ANOS1: variants seen among roughly 807,000 people sequenced by gnomAD.
The protein encoded by ANOS1 is anosmin-1.
In ANOS1, 6 loss-of-function variants were observed where a neutral mutation model predicts 59.0. The ratio of observed to expected loss-of-function variants is 0.10; its 90% CI spans 0.06 to 0.20. The LOEUF (loss-of-function observed/expected upper bound fraction) is 0.20. ANOS1 is among the 10% of genes least tolerant of loss of function. The probability of loss-of-function intolerance (pLI) is 1.00; values close to 1 mark genes in which losing one functional copy is unlikely to be tolerated. For missense variants in ANOS1, 433 were observed against 542.3 expected (o/e 0.80, Z 2.00); for synonymous variants, 217 against 223.4 (o/e 0.97, Z 0.25).
chrX:8,623,469 T>G (rs1008714955), intron 3 of ANOS1, 139 bp downstream of exon 3: 2 of 517,278 alleles, frequency 3.9e-6, no homozygotes, highest in Non-Finnish European at 6.7e-6. Flanking sequence ...TACATGAATT[T>G]ACGTATATCC....
intron 8 of ANOS1, among the ~76,000 whole-genome samples, chrX:8,554,542 G>GTTTTGT (rs1929911767): frequency 2.0e-5 from 1 of 50,836 alleles, no homozygotes; most frequent in African/African-American, 8.3e-5. Flanking sequence ...GGCTACAGGA[G>GTTTTGT]TTTTTTTTTT....
chrX:8,678,609 C>T (rs1932372643), intron 2 of ANOS1, among the ~76,000 whole-genome samples: 1 of 111,636 alleles, frequency 9.0e-6, no homozygotes, highest in Admixed American at 9.5e-5. Flanking sequence ...GGAACCTTGT[C>T]CATTATTCCT....
chrX:8,556,395 CTGTT>C (rs1253383201), intron 8 of ANOS1, among the ~76,000 whole-genome samples: 2 of 112,064 alleles, frequency 1.8e-5, no homozygotes, highest in African/African-American at 6.5e-5. Context: ...CAAATTGTCT[CTGTT>C]TGCAGATGAC....
chrX:8,607,857 T>TA (rs1430950436), intron 3 of ANOS1, among the ~76,000 whole-genome samples: 26 of 111,354 alleles, frequency 2.3e-4, no homozygotes, highest in Admixed American at 6.7e-4. Flanking sequence ...AACAAACAGG[T>TA]AAAAATCATT....
intron 2 of ANOS1, among the ~76,000 whole-genome samples, chrX:8,656,307 T>A (rs1931929917): frequency 8.9e-6 from 1 of 112,444 alleles, no homozygotes; most frequent in African/African-American, 3.2e-5. Flanking sequence ...TGCATTAGAA[T>A]GCCTTGTTGT....
intron 2 of ANOS1, among the ~76,000 whole-genome samples, chrX:8,668,031 A>T (rs1045455366): frequency 3.6e-5 from 4 of 110,229 alleles, no homozygotes; most frequent in African/African-American, 6.6e-5. Context: ...AGGTATTTTT[A>T]AATTTTTTTT....
intron 1 of ANOS1, among the ~76,000 whole-genome samples, chrX:8,710,198 G>C (rs1290946148): frequency 8.9e-6 from 1 of 111,744 alleles, no homozygotes; most frequent in Non-Finnish European, 1.9e-5. Flanking sequence ...CCAAAGTGCT[G>C]GGATTACAAG....
At chrX:8,569,469 T>C (rs180735915) in intron 7 of ANOS1, among the ~76,000 whole-genome samples, 4,380 of 111,443 alleles carry the variant, frequency 0.039, 85 homozygotes, top group Non-Finnish European at 0.062. Flanking sequence ...GGTGAAACCC[T>C]GTCTCTACTA....
chrX:8,585,215 T>C, intron 6 of ANOS1, 52 bp downstream of exon 6: 1 of 1,165,621 alleles, frequency 8.6e-7, no homozygotes, highest in South Asian at 1.8e-5. Context: ...ATTCCATGTG[T>C]GCCTGGTAGC....
At chrX:8,635,298 GT>G (rs1931554910) in intron 2 of ANOS1, among the ~76,000 whole-genome samples, 1 of 111,679 alleles carries the variant, frequency 9.0e-6, no homozygotes, top group Non-Finnish European at 1.9e-5. Context: ...TTCTTTTGCA[GT>G]TGCAAACTAC....
chrX:8,568,181 T>C (rs756736572), intron 8 of ANOS1, 51 bp downstream of exon 8: 89 of 1,164,973 alleles, frequency 7.6e-5, no homozygotes, highest in Non-Finnish European at 5.8e-6. Flanking sequence ...TGTTGTGATA[T>C]GGCGCCCATC....
chrX:8,640,786 G>T (rs780335491), intron 2 of ANOS1, among the ~76,000 whole-genome samples: 17 of 111,392 alleles, frequency 1.5e-4, no homozygotes, highest in Non-Finnish European at 2.6e-4. Flanking sequence ...AGCTTTACAA[G>T]ACATGATTAA....
chrX:8,647,068 G>C (rs1931772557), intron 2 of ANOS1, among the ~76,000 whole-genome samples: 1 of 110,626 alleles, frequency 9.0e-6, no homozygotes, highest in Non-Finnish European at 1.9e-5. Context: ...ATCAAAGGCA[G>C]AAATGTACTA....
chrX:8,716,586 C>T (rs769291040), intron 1 of ANOS1, among the ~76,000 whole-genome samples: 12 of 111,937 alleles, frequency 1.1e-4, no homozygotes, highest in Non-Finnish European at 1.9e-4. Flanking sequence ...CGATCTGGAT[C>T]CACAGTGCAC....
intron 8 of ANOS1, among the ~76,000 whole-genome samples, chrX:8,560,433 ATGATTT>A (rs1930014333): frequency 8.9e-6 from 1 of 112,222 alleles, no homozygotes; most frequent in Admixed American, 9.5e-5. Flanking sequence ...CATATGGTAA[ATGATTT>A]TGGTTTTGCA....
intron 1 of ANOS1, among the ~76,000 whole-genome samples, chrX:8,722,661 C>T (rs923082321): frequency 8.9e-6 from 1 of 111,796 alleles, no homozygotes; most frequent in Non-Finnish European, 1.9e-5. Context: ...GGGCTGGTTC[C>T]ACATTTTTGC....
chrX:8,587,674 C>G (rs1930541362), intron 5 of ANOS1, 120 bp downstream of exon 5: 2 of 540,096 alleles, frequency 3.7e-6, no homozygotes, highest in Non-Finnish European at 6.3e-6. Context: ...CATTTCATAT[C>G]TGAGTAATTT....
At chrX:8,725,667 GATATATATATACAGAT>G (rs1300459350) in intron 1 of ANOS1, among the ~76,000 whole-genome samples, 7 of 31,726 alleles carry the variant, frequency 2.2e-4, no homozygotes, top group South Asian at 1.1e-3. Context: ...TATATATACA[GATATATATATACAGAT>G]ATATATATAT....
chrX:8,718,144 C>T (rs1932852441), intron 1 of ANOS1, among the ~76,000 whole-genome samples: 1 of 111,667 alleles, frequency 9.0e-6, no homozygotes, highest in African/African-American at 3.3e-5. Flanking sequence ...CACTATCCAT[C>T]AAGGATATAT....
Sources: allele counts gnomAD v4.1 joint callset (sites outside exome capture counted in the v4.1 genomes callset), GRCh38; gene constraint gnomAD v4.1.1; transcripts MANE v1.5; gene names NCBI Gene and HGNC (gene_info 2026-07-23, HGNC 2026-07-21).